The following DPY19L1 variants were observed in gnomAD, a reference collection of about 807,000 sequenced individuals.
DPY19L1 encodes protein C-mannosyl-transferase DPY19L1.
DPY19L1 carries 35 observed loss-of-function variants against 96.9 expected under a neutral mutation model. The observed-to-expected ratio is 0.36, with a 90% CI of 0.28 to 0.48. The LOEUF is 0.48. Among genes scored for constraint, DPY19L1 ranks in the 20% least tolerant of loss-of-function variants. The pLI is 0.99. For synonymous variants in DPY19L1, 205 were observed against 252.6 expected, an observed-to-expected ratio of 0.81 and a Z score of 1.79; for missense variants, 521 against 777.9, an observed-to-expected ratio of 0.67 and a Z score of 3.93.
chr7:34,951,827 G>C (rs1447436057), intron 13 of DPY19L1, among the ~76,000 whole-genome samples: 1 of 151,750 alleles, frequency 6.6e-6, no homozygotes, highest in Admixed American at 6.6e-5. Flanking sequence ...AATGAAAAAG[G>C]GAGAAATAAC....
At chr7:35,017,168 T>C (rs2128679745) in intron 3 of DPY19L1, among the ~76,000 whole-genome samples, 1 of 152,106 alleles carries the variant, frequency 6.6e-6, no homozygotes, top group Middle Eastern at 3.4e-3. Flanking sequence ...TATGAAAGCA[T>C]GAAATGATAT....
intron 14 of DPY19L1, among the ~76,000 whole-genome samples, chr7:34,948,821 A>G (rs1051722399): frequency 3.9e-5 from 6 of 152,220 alleles, no homozygotes; most frequent in Non-Finnish European, 7.3e-5. Flanking sequence ...GTGTGTCAAA[A>G]CCATTTGCCG....
Position 34,969,528 on chromosome 7 carries a change from T to A in DPY19L1, c.919A>T (p.Thr307Ser). ...MLLVTHILRA[T>S]KLYRGSLIAL... ...ATCAAGCTTCCTCTATAAAGTTTTG[T>A]AGCCCTTGAAAAGATAAAATAAGTG... Residue 307 changes from threonine to serine, a missense_variant, in exon 9 of 22, where the codon ACA becomes TCA. Thr to Ser is a moderately conservative substitution (Grantham distance 58, BLOSUM62 1). Coordinates refer to ENST00000638088, the MANE Select transcript of DPY19L1 (RefSeq NM_001366673.1). The A allele has an allele frequency of 6.5e-7, 1 of 1,544,408 alleles. No homozygotes were observed. The highest frequency in any genetic ancestry group is 8.7e-7 in the Non-Finnish European group (1 of 1,148,678).
At chr7:35,030,680 AAT>A (rs1481625173) in intron 1 of DPY19L1, among the ~76,000 whole-genome samples, 1 of 152,238 alleles carries the variant, frequency 6.6e-6, no homozygotes, top group Non-Finnish European at 1.5e-5. Flanking sequence ...GGAAAAAAAT[AAT>A]AGTGAGAATG....
chr7:34,983,594 T>C (rs1299265598), intron 7 of DPY19L1, among the ~76,000 whole-genome samples: 1 of 150,304 alleles, frequency 6.7e-6, no homozygotes, highest in Non-Finnish European at 1.5e-5. Flanking sequence ...ATAGTGATAA[T>C]AGCAGACTGC....
Position 35,037,126 on chromosome 7 carries a change from C to T in DPY19L1, c.269G>A (p.Arg90His), listed in dbSNP as rs1786433380. 1.5e-5 allele frequency: 3 copies of T among 200,866 alleles called. No homozygotes were observed. The East Asian group carries it at 2.7e-4, about 18-fold the overall frequency. 12.4% of individuals were successfully genotyped at this position (200,866 alleles called of 1,614,324 possible). A position where few individuals can be genotyped will look rare whatever the true frequency, so the allele number is the denominator to read the frequency against. ...RWALGLRRAG[R>H]GRTWTTLLLA... ...CAGGAGCGTGGTCCAGGTCCGGCCG[C>T]GCCCCGCGCGCCGCAGGCCCAGCGC... Residue 90 changes from arginine (R) to histidine (H), a missense_variant, in exon 1 of 22, where the codon CGC (arginine) becomes CAC (histidine). Transcript: ENST00000638088.
intron 6 of DPY19L1, among the ~76,000 whole-genome samples, chr7:34,997,343 A>G (rs2128674355): frequency 6.7e-6 from 1 of 150,158 alleles, no homozygotes; most frequent in South Asian, 2.1e-4. Context: ...CTGTAATCCC[A>G]GCACTTTGGG....
At chr7:35,015,464 GTCATCCTTA>G (rs1785823574) in intron 3 of DPY19L1, among the ~76,000 whole-genome samples, 1 of 152,128 alleles carries the variant, frequency 6.6e-6, no homozygotes, top group Non-Finnish European at 1.5e-5. Flanking sequence ...GTGATTTCTG[GTCATCCTTA>G]GTGCTCATTA....
At chr7:34,965,392 G>C (rs1784587714) in intron 10 of DPY19L1, among the ~76,000 whole-genome samples, 1 of 152,126 alleles carries the variant, frequency 6.6e-6, no homozygotes, top group Non-Finnish European at 1.5e-5. Flanking sequence ...AATGCCATTT[G>C]CATAAACCTT....
chr7:35,014,259 C>T (rs1243318279), intron 3 of DPY19L1, among the ~76,000 whole-genome samples: 1 of 152,122 alleles, frequency 6.6e-6, no homozygotes, highest in African/African-American at 2.4e-5. Flanking sequence ...TATTTTCCCT[C>T]CTATCAAGTC....
At chr7:34,931,813 T>C (rs1783758710) in intron 21 of DPY19L1, 84 bp from the exon 22 acceptor site, 1 of 1,474,552 alleles carries the variant, frequency 6.8e-7, no homozygotes, top group Non-Finnish European at 9.0e-7. Flanking sequence ...ATTCCTGACC[T>C]CAATTCCTTT....
intron 1 of DPY19L1, among the ~76,000 whole-genome samples, chr7:35,027,764 G>A (rs186681484): frequency 6.6e-6 from 1 of 151,946 alleles, no homozygotes; most frequent in East Asian, 1.9e-4. Context: ...CTTGAACTTG[G>A]GAGGCAGAGG....
chr7:35,023,834 T>C (rs1472466595), intron 1 of DPY19L1, among the ~76,000 whole-genome samples: 3 of 68,364 alleles, frequency 4.4e-5, no homozygotes, highest in Non-Finnish European at 6.9e-5. Context: ...TTTTCTTTTC[T>C]TTTTTTTTTT....
chr7:35,037,995 G>T, upstream of DPY19L1: 1 of 1,026,846 alleles, frequency 9.7e-7, no homozygotes, highest in Non-Finnish European at 1.2e-6. Flanking sequence ...CCGCGCAGGC[G>T]AGACGCGGCG....
At chr7:35,018,979 T>C (rs921160026) in intron 1 of DPY19L1, among the ~76,000 whole-genome samples, 1 of 152,138 alleles carries the variant, frequency 6.6e-6, no homozygotes, top group African/African-American at 2.4e-5. Context: ...AAAAGGGAAC[T>C]ACCACTTCTG....
At chr7:35,009,052 A>C (rs537741605) in intron 6 of DPY19L1, among the ~76,000 whole-genome samples, 3 of 152,388 alleles carry the variant, frequency 2.0e-5, no homozygotes, top group Admixed American at 1.3e-4. Flanking sequence ...ATTAAACAAA[A>C]GAATTTTCTT....
intron 1 of DPY19L1, among the ~76,000 whole-genome samples, chr7:35,035,726 A>C (rs886206265): frequency 1.5e-4 from 23 of 152,174 alleles, no homozygotes; most frequent in African/African-American, 5.5e-4. Context: ...TAAATTCGCC[A>C]TGTGATAACC....
Position 34,975,827 on chromosome 7 carries a change from C to T in DPY19L1, c.823-2222G>A, listed in dbSNP as rs142259174. 1.4e-4 allele frequency among the ~76,000 whole-genome samples: 21 copies of T among 152,274 alleles called. No homozygotes were observed. The East Asian group carries it at 3.9e-3, about 28-fold the overall frequency. ...CTCTGCACGTGATCTACAAATGGAG[C>T]AACAAGCCTAGATGACTGCACATCT... On this transcript the variant is annotated intron_variant, in intron 7 of 21. Transcript: ENST00000638088.
chr7:34,985,412 T>A lies in DPY19L1; in HGVS notation c.822+4472A>T, dbSNP rs576782134. On this transcript the variant is annotated intron_variant, in intron 7 of 21. Coordinates refer to ENST00000638088, the MANE Select transcript of DPY19L1 (RefSeq NM_001366673.1). The stretch of plus-strand genomic sequence containing the variant: ...TCAACCCGAGGATTGGGAGAAAATA[T>A]CTGCAAACCACACCTCTGATAAGGG... Among the ~76,000 whole-genome samples the A allele has an allele frequency of 5.9e-5, 9 of 152,188 alleles. No individual in the cohort carries two copies. The East Asian group carries it at 1.7e-3, about 29-fold the overall frequency.
Sources: gnomAD v4.1 joint callset for allele counts (sites outside exome capture counted in the v4.1 genomes callset) on GRCh38, gnomAD v4.1.1 for gene constraint, MANE v1.5 for transcripts, NCBI Gene and HGNC (gene_info 2026-07-23, HGNC 2026-07-21) for gene names.